The following LPCAT4 variants were observed in gnomAD, a reference collection of about 807,000 sequenced individuals.
LPCAT4 encodes lysophospholipid acyltransferase LPCAT4.
In LPCAT4, 30 loss-of-function variants were observed where a neutral mutation model predicts 66.5. The observed-to-expected ratio is 0.45, with a 90% CI of 0.34 to 0.61. LPCAT4 has a LOEUF of 0.61. Ranked by LOEUF, LPCAT4 falls within the 20% of genes least tolerant of loss-of-function variation. The pLI is 0.01. For missense variants in LPCAT4, 557 were observed against 656.7 expected, an observed-to-expected ratio of 0.85 and a Z score of 1.66; for synonymous variants, 253 against 262.1, an observed-to-expected ratio of 0.97 and a Z score of 0.34.
chr15:34,366,213 T>C (rs1219013133), intron 1 of LPCAT4, among the ~76,000 whole-genome samples: 1 of 152,120 alleles, frequency 6.6e-6, no homozygotes, highest in South Asian at 2.1e-4. Flanking sequence ...TCAACAGCAA[T>C]CTTAGAGTAC....
intron 10 of LPCAT4, among the ~76,000 whole-genome samples, 163 bp downstream of exon 10, chr15:34,362,033 C>G (rs1015654778): frequency 6.6e-6 from 1 of 152,118 alleles, no homozygotes; most frequent in Non-Finnish European, 1.5e-5. Flanking sequence ...TATTACATAT[C>G]CTTCCATTTA....
intron 11 of LPCAT4, 107 bp from the exon 12 acceptor site, chr15:34,360,316 G>T: frequency 6.2e-6 from 5 of 805,216 alleles, no homozygotes; most frequent in Non-Finnish European, 1.0e-5. Flanking sequence ...GGTGATCCCT[G>T]TGACTGCTCC....
rs1272275595 is a variant in LPCAT4 at position 34,363,911 on chromosome 15, C to A, written c.652+102G>T. Reference sequence around the variant, plus strand: ...GAGGTTCCTGGTCTCCCTTCCTCTCCCATCCCTCCCCCTCTTCTACTTCTT... The same window carrying A: ...GAGGTTCCTGGTCTCCCTTCCTCTCACATCCCTCCCCCTCTTCTACTTCTT... On this transcript the variant is annotated intron_variant, in intron 5 of 13. Transcript: ENST00000314891. The surrounding 1 kb of genome is among the most constrained non-coding windows in gnomAD (Gnocchi z 4.3). 4 of 1,370,890 alleles carry A rather than the reference C, an allele frequency of 2.9e-6. No individual in the cohort carries two copies. Among genetic ancestry groups the A allele is most frequent in the Admixed American group, 3.6e-5 (2 of 56,078 alleles). The allele number at this position is 1,370,890 out of a possible 1,614,324, so 84.9% of individuals were successfully genotyped here. A position where few individuals can be genotyped will look rare whatever the true frequency, so the allele number is the denominator to read the frequency against.
At chr15:34,361,656 T>G in intron 10 of LPCAT4, 124 bp from the exon 11 acceptor site, 2 of 1,141,194 alleles carry the variant, frequency 1.8e-6, no homozygotes, top group Non-Finnish European at 2.5e-6. Context: ...TTTTCTAAGA[T>G]GTACTGACTC....
chr15:34,362,244 G>A lies in LPCAT4; in HGVS notation c.962C>T (p.Ala321Val), dbSNP rs779610258. The A allele has an allele frequency of 1.1e-5, 17 of 1,613,468 alleles. No individual in the cohort carries two copies. The South Asian group carries it at 1.8e-4, about 17-fold the overall frequency. The change falls in exon 10 of 14, where the codon GCG becomes GTG. Residue 321 changes from alanine to valine, a missense_variant. Ala to Val is a moderately conservative substitution (Grantham distance 64). Coordinates refer to ENST00000314891, the MANE Select transcript of LPCAT4 (RefSeq NM_153613.3). ...PVIVVGRLKV[A>V]LEPQLWELGK... is the part of the protein sequence containing the mutation. ...CAGTTCCCAGAGCTGTGGTTCCAAC[G>A]CCACCTTCAGCCGGCCCACCACAAT...
chr15:34,359,877 C>G (rs1595617550), intron 12 of LPCAT4, 132 bp from the exon 13 acceptor site: 1 of 949,386 alleles, frequency 1.1e-6, no homozygotes, highest in Non-Finnish European at 1.6e-6. Context: ...CCTCCAGTGC[C>G]CTTTCTGCAG....
intron 11 of LPCAT4, 105 bp downstream of exon 11, chr15:34,361,295 T>A: frequency 1.3e-6 from 2 of 1,536,048 alleles, no homozygotes; most frequent in South Asian, 2.5e-5. Flanking sequence ...TGTGAGAACA[T>A]CCACTGAGGA....
At position 34,367,070 on chromosome 15, in the gene LPCAT4, G is replaced by A. The variant is rs778129187; in HGVS notation, c.31C>T (p.Pro11Ser). 5 of 1,555,866 alleles carry A rather than the reference G, an allele frequency of 3.2e-6. No individual in the cohort carries two copies. Among genetic ancestry groups the A allele is most frequent in the Non-Finnish European group, 4.3e-6 (5 of 1,149,946 alleles). Residue 11 changes from proline (P) to serine (S), a missense_variant, in exon 1 of 14, where the codon CCC becomes TCC. By Grantham distance (74) the Pro-to-Ser change is moderately conservative. Around this residue, in one of 4 missense-constraint regions of LPCAT4, gnomAD observed 94 missense variants for 71.5 expected, o/e 1.32. Transcript: ENST00000314891. The stretch of plus-strand genomic sequence containing the variant: ...GGGGGTCCGGGGGTGGGATCTAGGG[G>A]GGCCCAGTCCCCCGGACTTCCCTGG... MSQGSPGDWA[P>S]LDPTPGPPAS...
At chr15:34,365,372 G>T in intron 2 of LPCAT4, 144 bp from the exon 3 acceptor site, 1 of 1,159,756 alleles carries the variant, frequency 8.6e-7, no homozygotes, top group Non-Finnish European at 1.2e-6. Flanking sequence ...GGCCACTTTG[G>T]GACCTATCAG....
chr15:34,364,308 T>G lies in LPCAT4; in HGVS notation c.479-2A>C. The G allele has an allele frequency of 6.2e-7, 1 of 1,605,954 alleles. No individual in the cohort carries two copies. Among genetic ancestry groups the G allele is most frequent in the Non-Finnish European group, 8.5e-7 (1 of 1,172,972 alleles). ...TGGCTTGGTTGAATCGAAGAAGGGC[T>G]GGGGTTGGGAAGGATACAAAGAGGA... On this transcript the variant is annotated splice_acceptor_variant, in intron 3 of 13. Transcript: ENST00000314891. LOFTEE classifies it high-confidence loss of function.
At position 34,360,216 on chromosome 15, in the gene LPCAT4, T is replaced by C. The variant is rs924520879; in HGVS notation, c.1144-7A>G. The C allele has an allele frequency of 6.2e-7, 1 of 1,613,330 alleles. No individual in the cohort carries two copies. The highest frequency in any genetic ancestry group is 8.5e-7 in the Non-Finnish European group (1 of 1,179,360). ...CCACCAAACCCTTGGTATCCTGGTG[T>C]GAAAAAGAAACCAGGGCAATGCGGG... On this transcript the variant is annotated splice_region_variant and splice_polypyrimidine_tract_variant and intron_variant, in intron 11 of 13. Coordinates refer to ENST00000314891, the MANE Select transcript of LPCAT4 (RefSeq NM_153613.3).
In LPCAT4 at chr15:34,367,144, G is replaced by A. The variant is rs1481622906; in HGVS notation, c.-44C>T. The A allele has an allele frequency of 2.7e-6, 4 of 1,486,928 alleles. No individual in the cohort carries two copies. The highest frequency in any genetic ancestry group is 3.6e-6 in the Non-Finnish European group (4 of 1,115,402). The allele number at this position is 1,486,928 out of a possible 1,614,324, so 92.1% of individuals were successfully genotyped here. ...GGAGGGCACCCCGGCCCTGGCCCCG[G>A]CCACCACTCTGCAGAGCAGCTGCTG... On this transcript the variant is annotated 5_prime_UTR_variant, in exon 1 of 14. Coordinates refer to ENST00000314891, the MANE Select transcript of LPCAT4 (RefSeq NM_153613.3).
intron 3 of LPCAT4, 105 bp from the exon 4 acceptor site, chr15:34,364,411 C>CTCT (rs112425797): frequency 2.1e-5 from 12 of 558,892 alleles, no homozygotes; most frequent in South Asian, 1.1e-4. Context: ...TCTGTTATCT[C>CTCT]TTTTTTTTTT....
rs1319378964 is a variant in LPCAT4 at position 34,359,092 on chromosome 15, TG to T, written c.*34del. On this transcript the variant is annotated 3_prime_UTR_variant, in exon 14 of 14. Coordinates refer to ENST00000314891, the MANE Select transcript of LPCAT4 (RefSeq NM_153613.3). The stretch of plus-strand genomic sequence containing the variant: ...GAGGCATAGGGGAGGCCCCTAGCGC[TG>T]CCCTGAGGAGGAGGGGGTGAGAGGC... 6.3e-7 allele frequency: 1 copy of T among 1,575,876 alleles called. No homozygotes were observed. Among genetic ancestry groups the T allele is most frequent in the Non-Finnish European group, 8.6e-7 (1 of 1,159,270 alleles).
intron 1 of LPCAT4, among the ~76,000 whole-genome samples, chr15:34,366,327 C>A (rs1891075084): frequency 6.6e-6 from 1 of 152,204 alleles, no homozygotes; most frequent in African/African-American, 2.4e-5. Flanking sequence ...AGCAGGTAAG[C>A]AAACCTAGCC....
intron 4 of LPCAT4, 46 bp downstream of exon 4, chr15:34,364,148 A>G (rs2086052713): frequency 6.3e-7 from 1 of 1,591,334 alleles, no homozygotes. Flanking sequence ...AAGCCTCTTC[A>G]GGAGCACATG....
Position 34,359,731 on chromosome 15 carries a change from C to T in LPCAT4, c.1257G>A (p.Glu419=). ...TRLAFELFAE[E]QAEGPNRLLY... is the part of the protein sequence containing the mutation. ...GCAGGCGGTTGGGACCCTCTGCTTG[C>T]TCTTCAGCAAAGAGCTTGGGAGAGA... The change falls in exon 13 of 14, where the codon GAG becomes GAA. Residue 419 remains glutamate, a synonymous_variant. Coordinates refer to ENST00000314891, the MANE Select transcript of LPCAT4 (RefSeq NM_153613.3). The T allele has an allele frequency of 6.2e-7, 1 of 1,612,918 alleles. No individual in the cohort carries two copies. Among genetic ancestry groups the T allele is most frequent in the Non-Finnish European group, 8.5e-7 (1 of 1,179,674 alleles).
Position 34,363,852 on chromosome 15 carries a change from C to T in LPCAT4, c.653-133G>A, listed in dbSNP as rs1481500438. The T allele has an allele frequency of 1.5e-6, 2 of 1,327,388 alleles. No individual in the cohort carries two copies. The highest frequency in any genetic ancestry group is 2.2e-6 in the Non-Finnish European group (2 of 929,208). The allele number at this position is 1,327,388 out of a possible 1,614,324, so 82.2% of individuals were successfully genotyped here. ...TTTTGTTCCACTCATTGATAATTTT[C>T]TCTCTGACTCCTCGACTTGACAGCA... is the stretch of plus-strand genomic sequence containing the variant. On this transcript the variant is annotated intron_variant, in intron 5 of 13. Transcript: ENST00000314891. This position sits in a 1 kb window ranked among gnomAD's most constrained non-coding sequence, Gnocchi z 4.3.
intron 11 of LPCAT4, among the ~76,000 whole-genome samples, chr15:34,360,695 G>A (rs1166949113): frequency 6.6e-6 from 1 of 152,212 alleles, no homozygotes; most frequent in African/African-American, 2.4e-5. Flanking sequence ...TCTGCTACAG[G>A]CCAAGTGGGG....
Sources: gnomAD v4.1 joint callset for allele counts (sites outside exome capture counted in the v4.1 genomes callset) on GRCh38, gnomAD v4.1.1 for gene constraint, gnomAD v4.1.1 regional missense constraint, Gnocchi (gnomAD v3.1) non-coding constraint, MANE v1.5 for transcripts, NCBI Gene and HGNC (gene_info 2026-07-23, HGNC 2026-07-21) for gene names.